AGBL1: variants seen among roughly 807,000 people sequenced by gnomAD.
The protein encoded by AGBL1 is cytosolic carboxypeptidase 4.
In AGBL1, 130 loss-of-function variants were observed where a neutral mutation model predicts 118.9. The ratio of observed to expected loss-of-function variants is 1.09; its 90% CI spans 0.95 to 1.26. AGBL1 has a LOEUF of 1.26. AGBL1 is among the 50% of genes most tolerant of loss of function. AGBL1 has a pLI of 0.00. For synonymous variants in AGBL1, 555 were observed against 478.9 expected, an observed-to-expected ratio of 1.16 and a Z score of -2.08; for missense variants, 1,584 against 1,298.1, an observed-to-expected ratio of 1.22 and a Z score of -3.38.
rs1207525413 is a variant in AGBL1 at position 86,913,517 on chromosome 15, AC to A, written c.*6224del. 1.3e-5 allele frequency: 2 copies of A among 152,218 alleles called. No homozygotes were observed. The highest frequency in any genetic ancestry group is 2.9e-5 in the Non-Finnish European group (2 of 68,042). 9.4% of individuals were successfully genotyped at this position (152,218 alleles called of 1,614,324 possible). A position where few individuals can be genotyped will look rare whatever the true frequency, so the allele number is the denominator to read the frequency against. On this transcript the variant is annotated 3_prime_UTR_variant, in exon 23 of 23. Transcript: ENST00000614907. ...CTATGAGAGAATTACCAAATGAGCCACATTTAGTTCTTATGACAAGTAGTTA... is the reference window on the plus strand; with the variant it reads ...CTATGAGAGAATTACCAAATGAGCCAATTTAGTTCTTATGACAAGTAGTTA...
At chr15:86,141,142 A>C (rs2076957625) in intron 1 of AGBL1, among the ~76,000 whole-genome samples, 1 of 152,106 alleles carries the variant, frequency 6.6e-6, no homozygotes, top group Non-Finnish European at 1.5e-5. Flanking sequence ...ACTTCAGGAG[A>C]CTCAGCAAGT....
chr15:86,112,920 G>C (rs1295650607), intron 1 of AGBL1, among the ~76,000 whole-genome samples: 2 of 151,950 alleles, frequency 1.3e-5, no homozygotes, highest in African/African-American at 2.4e-5. Context: ...TATTTCTTTT[G>C]GGTAAGGGAA....
At chr15:86,627,914 A>G (rs1471885538) in intron 21 of AGBL1, among the ~76,000 whole-genome samples, 1 of 152,228 alleles carries the variant, frequency 6.6e-6, no homozygotes, top group Non-Finnish European at 1.5e-5. Context: ...GTAGCCTCCA[A>G]CACAGCGTCC....
chr15:86,841,480 T>A (rs1022176531), intron 22 of AGBL1, among the ~76,000 whole-genome samples: 6 of 152,244 alleles, frequency 3.9e-5, no homozygotes, highest in Non-Finnish European at 7.3e-5. Flanking sequence ...ATTTATTTTT[T>A]AATTTACTTT....
intron 24 of AGBL1, among the ~76,000 whole-genome samples, chr15:87,016,385 C>T (rs1268875352): frequency 6.6e-6 from 1 of 152,192 alleles, no homozygotes; most frequent in Non-Finnish European, 1.5e-5. Context: ...GACAAAGGGA[C>T]ATTTGAGCTG....
At chr15:86,684,436 T>C (rs2086016461) in intron 22 of AGBL1, among the ~76,000 whole-genome samples, 1 of 151,812 alleles carries the variant, frequency 6.6e-6, no homozygotes, top group African/African-American at 2.4e-5. Context: ...AAGTCCTCAC[T>C]TTAGTTAGTA....
chr15:87,018,251 T>G (rs2081627365), intron 24 of AGBL1, among the ~76,000 whole-genome samples: 1 of 152,138 alleles, frequency 6.6e-6, no homozygotes, highest in African/African-American at 2.4e-5. Flanking sequence ...ATTCAAATTC[T>G]GGACCTGCAG....
At chr15:86,792,393 A>G (rs1252253556) in intron 22 of AGBL1, among the ~76,000 whole-genome samples, 1 of 152,170 alleles carries the variant, frequency 6.6e-6, no homozygotes, top group Non-Finnish European at 1.5e-5. Context: ...AGTATTTGGA[A>G]AGTGTCATTC....
chr15:86,779,754 A>AT (rs1364895778), intron 22 of AGBL1, among the ~76,000 whole-genome samples: 3 of 151,708 alleles, frequency 2.0e-5, no homozygotes, highest in African/African-American at 7.3e-5. Flanking sequence ...TTTAATTTCC[A>AT]TTTTTTTCAG....
intron 22 of AGBL1, among the ~76,000 whole-genome samples, chr15:86,716,198 C>T (rs1233462496): frequency 6.6e-6 from 1 of 152,172 alleles, no homozygotes; most frequent in Non-Finnish European, 1.5e-5. Flanking sequence ...CTACCATTCC[C>T]AGTCTAGGTC....
intron 18 of AGBL1, among the ~76,000 whole-genome samples, chr15:86,484,213 T>G (rs572553035): frequency 2.0e-5 from 3 of 152,176 alleles, no homozygotes; most frequent in African/African-American, 7.2e-5. Flanking sequence ...AACCTGTAAT[T>G]GCAAGAAGGC....
intron 20 of AGBL1, among the ~76,000 whole-genome samples, chr15:86,549,169 A>G (rs897948068): frequency 6.6e-6 from 1 of 152,076 alleles, no homozygotes; most frequent in Non-Finnish European, 1.5e-5. Context: ...GGGGACATGT[A>G]TCTAAACTAT....
intron 19 of AGBL1, among the ~76,000 whole-genome samples, chr15:86,542,516 G>C (rs2083517852): frequency 6.6e-6 from 1 of 151,610 alleles, no homozygotes; most frequent in South Asian, 2.1e-4. Flanking sequence ...ACAGGCGCAT[G>C]CCACCATGCC....
At chr15:86,183,979 C>T (rs2077588440) in intron 5 of AGBL1, among the ~76,000 whole-genome samples, 1 of 152,208 alleles carries the variant, frequency 6.6e-6, no homozygotes, top group Non-Finnish European at 1.5e-5. Context: ...TCGTGCCTGC[C>T]TGTCATCTCT....
At chr15:86,493,593 G>T (rs534536156) in intron 18 of AGBL1, among the ~76,000 whole-genome samples, 1 of 152,052 alleles carries the variant, frequency 6.6e-6, no homozygotes, top group African/African-American at 2.4e-5. Flanking sequence ...CACTTTTGGA[G>T]GTCTGAGTCT....
chr15:86,426,252 T>C (rs1295144359), intron 18 of AGBL1, among the ~76,000 whole-genome samples: 1 of 152,202 alleles, frequency 6.6e-6, no homozygotes, highest in Non-Finnish European at 1.5e-5. Context: ...AGCTTAGCCA[T>C]GGGTGGGTCT....
At chr15:87,019,779 G>A (rs1191210604) in intron 24 of AGBL1, among the ~76,000 whole-genome samples, 2 of 151,748 alleles carry the variant, frequency 1.3e-5, no homozygotes, top group African/African-American at 2.4e-5. Context: ...GATTAGAGGT[G>A]AACTGAAGGA....
chr15:86,171,465 C>T (rs1030061217), intron 5 of AGBL1, among the ~76,000 whole-genome samples: 1 of 152,068 alleles, frequency 6.6e-6, no homozygotes, highest in Admixed American at 6.5e-5. Flanking sequence ...AAAACGTACA[C>T]TAAAGCAACC....
chr15:86,106,133 G>T (rs1425483549), intron 1 of AGBL1, among the ~76,000 whole-genome samples: 2 of 152,230 alleles, frequency 1.3e-5, no homozygotes, highest in Non-Finnish European at 2.9e-5. Context: ...TCTCTGGTAT[G>T]ATATAACCTA....
Sources: allele counts gnomAD v4.1 joint callset (sites outside exome capture counted in the v4.1 genomes callset), GRCh38; gene constraint gnomAD v4.1.1; transcripts MANE v1.5; gene names NCBI Gene and HGNC (gene_info 2026-07-23, HGNC 2026-07-21).